TOB1: variants seen among roughly 807,000 people sequenced by gnomAD.
The protein encoded by TOB1 is transducer of ERBB2, 1, also known as protein Tob1.
TOB1 carries 2 observed loss-of-function variants against 22.9 expected under a neutral mutation model. The ratio of observed to expected loss-of-function variants is 0.09; its 90% CI spans 0.04 to 0.28. The LOEUF is 0.28. Among genes scored for constraint, TOB1 ranks in the 10% least tolerant of loss-of-function variants. The pLI, the probability that TOB1 is intolerant of heterozygous loss-of-function variation, is 1.00. For synonymous variants in TOB1, 154 were observed against 150.6 expected, an observed-to-expected ratio of 1.02 and a Z score of -0.17; for missense variants, 299 against 420.5, an observed-to-expected ratio of 0.71 and a Z score of 2.53.
Position 50,862,735 on chromosome 17 carries a change from C to A in TOB1, c.*245G>T. 2.4e-6 allele frequency: 1 copy of A among 420,178 alleles called. No individual in the cohort carries two copies. The allele number at this position is 420,178 out of a possible 1,614,324, so 26.0% of individuals were successfully genotyped here. A position where few individuals can be genotyped will look rare whatever the true frequency, so the allele number is the denominator to read the frequency against. Reference sequence around the variant, plus strand: ...TTTATAAAAAAAAATCAGCCATGTCCTTGCTATATCTTAAATACTGTAAGA... The same window carrying A: ...TTTATAAAAAAAAATCAGCCATGTCATTGCTATATCTTAAATACTGTAAGA... On this transcript the variant is annotated 3_prime_UTR_variant, in exon 2 of 2. Coordinates refer to ENST00000499247, the MANE Select transcript of TOB1 (RefSeq NM_005749.4).
rs11540552 is a variant in TOB1, at chr17:50,864,080, A to G, written c.-63T>C. 1.4e-6 allele frequency: 2 copies of G among 1,399,448 alleles called. No individual in the cohort carries two copies. The highest frequency in any genetic ancestry group is 3.1e-5 in the South Asian group (2 of 64,706). The allele number at this position is 1,399,448 out of a possible 1,614,324, so 86.7% of individuals were successfully genotyped here. A position where few individuals can be genotyped will look rare whatever the true frequency, so the allele number is the denominator to read the frequency against. On this transcript the variant is annotated 5_prime_UTR_variant, in exon 2 of 2. Transcript: ENST00000499247. ...CCAAAAAAAAAAAAAAAAAAAAAAG[A>G]TGTTCAGTTTGTGGCAGAGAAACAA...
chr17:50,865,649 TCCCCGCCCCGTGGC>T lies in TOB1; in HGVS notation c.-147+395_-147+408del, dbSNP rs1293714357. The stretch of plus-strand genomic sequence containing the variant: ...CCCCCGCCGTAACCCGACCCGCTGC[TCCCCGCCCCGTGGC>T]CCCCGCCCCGGGCTCCTGGGAGCCG... On this transcript the variant is annotated intron_variant, in intron 1 of 1. Transcript: ENST00000499247. Among the ~76,000 whole-genome samples, 12 of 151,316 alleles carry T rather than the reference TCCCCGCCCCGTGGC, an allele frequency of 7.9e-5. No homozygotes were observed. In the South Asian group the frequency reaches 8.4e-4, roughly 11 times the overall value.
intron 1 of TOB1, among the ~76,000 whole-genome samples, chr17:50,864,679 G>T (rs1276884404): frequency 6.6e-6 from 1 of 152,128 alleles, no homozygotes; most frequent in Non-Finnish European, 1.5e-5. Flanking sequence ...GTTACGTTAG[G>T]AAGATCATTT....
chr17:50,866,426 C>G (rs1410201599), upstream of TOB1: 1 of 151,764 alleles, frequency 6.6e-6, no homozygotes, highest in Non-Finnish European at 1.5e-5. Flanking sequence ...GGGGTGCGCG[C>G]GCCCGCTCCG....
At position 50,862,789 on chromosome 17, in the gene TOB1, A is replaced by T; in HGVS notation, c.*191T>A. 1 of 733,016 alleles carries T rather than the reference A, an allele frequency of 1.4e-6. No individual in the cohort carries two copies. The highest frequency in any genetic ancestry group is 2.0e-6 in the Non-Finnish European group (1 of 492,370). The allele number at this position is 733,016 out of a possible 1,614,324, so 45.4% of individuals were successfully genotyped here. A position where few individuals can be genotyped will look rare whatever the true frequency, so the allele number is the denominator to read the frequency against. On this transcript the variant is annotated 3_prime_UTR_variant, in exon 2 of 2. Coordinates refer to ENST00000499247, the MANE Select transcript of TOB1 (RefSeq NM_005749.4). ...CATATCTGAGAGTATACTTTAAAAT[A>T]TACAGTCAGTATAAAATAACTTTGT...
chr17:50,864,318 A>G (rs1972264903), intron 1 of TOB1, among the ~76,000 whole-genome samples, 155 bp from the exon 2 acceptor site: 3 of 152,246 alleles, frequency 2.0e-5, no homozygotes, highest in Non-Finnish European at 4.4e-5. Context: ...CTAGGACAGA[A>G]AGCCTGAAAA....
At chr17:50,864,804 AAG>A (rs1567915324) in intron 1 of TOB1, among the ~76,000 whole-genome samples, 1 of 152,262 alleles carries the variant, frequency 6.6e-6, no homozygotes, top group Non-Finnish European at 1.5e-5. Flanking sequence ...TAAGTATACT[AAG>A]AGCATACAAT....
rs1256896979 is a variant in TOB1 at position 50,862,223 on chromosome 17, T to A, written c.*757A>T. On this transcript the variant is annotated 3_prime_UTR_variant, in exon 2 of 2. Coordinates refer to ENST00000499247, the MANE Select transcript of TOB1 (RefSeq NM_005749.4). Reference sequence around the variant, plus strand: ...CACTTAAAAACAAAGACAATAGGCATTTTTAATTTTAAAGAATTTTAATAC... The same window carrying A: ...CACTTAAAAACAAAGACAATAGGCAATTTTAATTTTAAAGAATTTTAATAC... The A allele has an allele frequency of 2.0e-5, 3 of 151,460 alleles. No homozygotes were observed. Among genetic ancestry groups the A allele is most frequent in the Admixed American group, 6.6e-5 (1 of 15,226 alleles). 9.4% of individuals were successfully genotyped at this position (151,460 alleles called of 1,614,324 possible).
At chr17:50,864,645 C>T (rs2143343087) in intron 1 of TOB1, among the ~76,000 whole-genome samples, 1 of 152,268 alleles carries the variant, frequency 6.6e-6, no homozygotes, top group Non-Finnish European at 1.5e-5. Context: ...TAAATCTGCT[C>T]TGTCACTGAC....
At chr17:50,865,835 C>G (rs887230194) in intron 1 of TOB1, among the ~76,000 whole-genome samples, 1 of 151,888 alleles carries the variant, frequency 6.6e-6, no homozygotes, top group Non-Finnish European at 1.5e-5. Flanking sequence ...CCGGGCCGCC[C>G]GTCCCCGGCC....
rs372990792 is a variant in TOB1 at position 50,863,505 on chromosome 17, G to A, written c.513C>T (p.Ser171=). ...AAVSPTFMPR[S]TQPLTFTTAT... ...CAGTGGTAAAGGTTAAAGGCTGAGT[G>A]GACCGGGGCATGAAGGTAGGGCTTA... Residue 171 remains serine (S), a synonymous_variant, in exon 2 of 2, where the codon TCC becomes TCT. Coordinates refer to ENST00000499247, the MANE Select transcript of TOB1 (RefSeq NM_005749.4). 2.0e-5 allele frequency: 33 copies of A among 1,614,052 alleles called. No homozygotes were observed. The highest frequency in any genetic ancestry group is 3.3e-4 in the Middle Eastern group (2 of 6,084).
chr17:50,867,209 C>T (rs961900248), upstream of TOB1: 4 of 152,310 alleles, frequency 2.6e-5, no homozygotes. Context: ...CGACACGAGG[C>T]CAAACTGCGT....
In TOB1 at chr17:50,862,772, A is replaced by G. The variant is rs1211405777; in HGVS notation, c.*208T>C. Reference sequence around the variant, plus strand: ...TAAATACTGTAAGAGGCCATATCTGAGAGTATACTTTAAAATATACAGTCA... The same window carrying G: ...TAAATACTGTAAGAGGCCATATCTGGGAGTATACTTTAAAATATACAGTCA... On this transcript the variant is annotated 3_prime_UTR_variant, in exon 2 of 2. Coordinates refer to ENST00000499247, the MANE Select transcript of TOB1 (RefSeq NM_005749.4). The G allele has an allele frequency of 6.4e-6, 4 of 624,638 alleles. No homozygotes were observed. The highest frequency in any genetic ancestry group is 1.9e-5 in the African/African-American group (1 of 52,746). 38.7% of individuals were successfully genotyped at this position (624,638 alleles called of 1,614,324 possible).
rs780883889 is a variant in TOB1 at position 50,863,838 on chromosome 17, T to C, written c.180A>G (p.Ile60Met). Reference sequence around the variant, plus strand: ...CAATCACTGGGTCCACTTTCTCCCCTATGTGTATACATCTAAACCCCGATC... The same window carrying C: ...CAATCACTGGGTCCACTTTCTCCCCCATGTGTATACATCTAAACCCCGATC... ...YKGSGFRCIH[I>M]GEKVDPVIEQ... The change falls in exon 2 of 2, where the codon ATA (isoleucine) becomes ATG (methionine). Residue 60 changes from isoleucine to methionine, a missense_variant. Ile to Met is a conservative substitution (Grantham distance 10, BLOSUM62 1). Coordinates refer to ENST00000499247, the MANE Select transcript of TOB1 (RefSeq NM_005749.4). 2 of 1,614,026 alleles carry C rather than the reference T, an allele frequency of 1.2e-6. No individual in the cohort carries two copies. The highest frequency in any genetic ancestry group is 2.2e-5 in the East Asian group (1 of 44,900).
At chr17:50,864,193 A>T in intron 1 of TOB1, 30 bp from the exon 2 acceptor site, 1 of 1,264,270 alleles carries the variant, frequency 7.9e-7, no homozygotes, top group Non-Finnish European at 1.0e-6. Context: ...TATCCAAATA[A>T]GATAAATGTA....
chr17:50,865,883 C>G (rs1309076250), intron 1 of TOB1, among the ~76,000 whole-genome samples, 175 bp downstream of exon 1: 1 of 151,520 alleles, frequency 6.6e-6, no homozygotes, highest in African/African-American at 2.4e-5. Flanking sequence ...GGCGGCCCCT[C>G]GGAGCCGCTC....
Position 50,863,292 on chromosome 17 carries a change from T to C in TOB1, c.726A>G (p.Gln242=), listed in dbSNP as rs779166248. 3.7e-6 allele frequency: 6 copies of C among 1,614,012 alleles called. No homozygotes were observed. Among genetic ancestry groups the C allele is most frequent in the Admixed American group, 1.7e-5 (1 of 60,008 alleles). ...LGLGSQQQPQ[Q]QQQPAQPPPP... Reference sequence around the variant, plus strand: ...GTGGCGGCTGGGCTGGCTGCTGCTGTTGCTGTGGCTGCTGCTGGCTACCCA... The same window carrying C: ...GTGGCGGCTGGGCTGGCTGCTGCTGCTGCTGTGGCTGCTGCTGGCTACCCA... The change falls in exon 2 of 2, where the codon CAA becomes CAG. Residue 242 remains glutamine (Q), a synonymous_variant. Transcript: ENST00000499247.
rs1394076537 is a variant in TOB1 at position 50,863,256 on chromosome 17, T to TGGTGGC, written c.761_762insGCCACC (p.Pro255_Pro256dup). ...TCTGCTGTTGTTGCTGCTGTGGTGG[T>TGGTGGC]GGTGGTGGCGGTGGCGGCTGGGCTG... On this transcript the variant is annotated inframe_insertion, in exon 2 of 2. Coordinates refer to ENST00000499247, the MANE Select transcript of TOB1 (RefSeq NM_005749.4). The TGGTGGC allele has an allele frequency of 4.3e-6, 7 of 1,613,720 alleles. No individual in the cohort carries two copies. Among genetic ancestry groups the TGGTGGC allele is most frequent in the Non-Finnish European group, 5.9e-6 (7 of 1,179,908 alleles).
chr17:50,864,651 C>T (rs1285602284), intron 1 of TOB1, among the ~76,000 whole-genome samples: 1 of 152,144 alleles, frequency 6.6e-6, no homozygotes, highest in African/African-American at 2.4e-5. Flanking sequence ...TGCTCTGTCA[C>T]TGACATTTAA....
Sources: allele counts gnomAD v4.1 joint callset (sites outside exome capture counted in the v4.1 genomes callset), GRCh38; gene constraint gnomAD v4.1.1; transcripts MANE v1.5; gene names NCBI Gene and HGNC (gene_info 2026-07-23, HGNC 2026-07-21).